The following TENM3 variants were observed in gnomAD, a reference collection of about 807,000 sequenced individuals.
TENM3 encodes teneurin-3.
In TENM3, 63 loss-of-function variants were observed where a neutral mutation model predicts 255.1. The ratio of observed to expected loss-of-function variants is 0.25; its 90% CI spans 0.20 to 0.30. The LOEUF (loss-of-function observed/expected upper bound fraction) is 0.30. TENM3 is among the 10% of genes least tolerant of loss of function. The probability of loss-of-function intolerance (pLI) is 1.00; values close to 1 mark genes in which losing one functional copy is unlikely to be tolerated. For synonymous variants in TENM3, 1,306 were observed against 1,322.3 expected, an observed-to-expected ratio of 0.99 and a Z score of 0.27; for missense variants, 2,929 against 3,461.1, an observed-to-expected ratio of 0.85 and a Z score of 3.86.
intron 3 of TENM3, among the ~76,000 whole-genome samples, chr4:182,451,634 G>A (rs1413825592): frequency 2.6e-5 from 4 of 152,102 alleles, no homozygotes; most frequent in Non-Finnish European, 5.9e-5. Flanking sequence ...CCTTAAAAGG[G>A]CCACCAGAAC....
chr4:181,878,312 G>A, the TENM3 span, among the ~76,000 whole-genome samples: 5,561 of 151,360 alleles, frequency 0.037, 176 homozygotes, highest in Non-Finnish European at 0.055. Context: ...GGGGGGAAAG[G>A]AAAGAAAATG....
intron 5 of TENM3, among the ~76,000 whole-genome samples, chr4:182,651,552 C>T (rs961202250): frequency 6.6e-6 from 1 of 152,094 alleles, no homozygotes; most frequent in Non-Finnish European, 1.5e-5. Context: ...AAAAAATTAG[C>T]TGGGCGTGGC....
chr4:182,336,962 G>A (rs905742460), intron 2 of TENM3, among the ~76,000 whole-genome samples: 3 of 151,248 alleles, frequency 2.0e-5, no homozygotes, highest in African/African-American at 7.3e-5. Context: ...TGAGGAATAT[G>A]AGACTCAAAC....
chr4:181,783,242 T>C, the TENM3 span, among the ~76,000 whole-genome samples: 1 of 152,098 alleles, frequency 6.6e-6, no homozygotes, highest in South Asian at 2.1e-4. Flanking sequence ...CCCATTATTA[T>C]TGTGTGGGAG....
intron 1 of TENM3, among the ~76,000 whole-genome samples, chr4:182,286,033 T>G (rs988030435): frequency 2.0e-5 from 3 of 152,128 alleles, no homozygotes; most frequent in Non-Finnish European, 2.9e-5. Flanking sequence ...ATACAGGAGA[T>G]CCATCGTGGC....
intron 3 of TENM3, among the ~76,000 whole-genome samples, chr4:182,525,008 C>T (rs150172636): frequency 0.041 from 6,309 of 152,054 alleles, 242 homozygotes; most frequent in East Asian, 0.11. Flanking sequence ...CCAGCCTTGG[C>T]GACAGAGTGA....
At chr4:181,502,258 T>C in the TENM3 span, among the ~76,000 whole-genome samples, 2 of 152,190 alleles carry the variant, frequency 1.3e-5, no homozygotes, top group African/African-American at 4.8e-5. Context: ...ATGTAAACTA[T>C]GGACACCGGA....
intron 14 of TENM3, 124 bp from the exon 15 acceptor site, chr4:182,730,076 T>C: frequency 8.4e-7 from 1 of 1,191,556 alleles, no homozygotes; most frequent in South Asian, 1.6e-5. Flanking sequence ...GTCTGATTTT[T>C]GTGAATAACG....
intron 1 of TENM3, among the ~76,000 whole-genome samples, chr4:182,161,107 C>G (rs899907686): frequency 6.6e-6 from 1 of 150,900 alleles, no homozygotes; most frequent in East Asian, 2.0e-4. Flanking sequence ...GGTGAAACCC[C>G]GTCTCTAGTA....
chr4:181,717,484 C>G, the TENM3 span, among the ~76,000 whole-genome samples: 1 of 152,338 alleles, frequency 6.6e-6, no homozygotes, highest in South Asian at 2.1e-4. Context: ...AGATAATAGA[C>G]TCTTAAAGTT....
intron 1 of TENM3, among the ~76,000 whole-genome samples, chr4:182,273,295 T>C (rs1442874153): frequency 6.6e-6 from 1 of 152,204 alleles, no homozygotes; most frequent in Non-Finnish European, 1.5e-5. Context: ...TACTTATACA[T>C]GCTATATAGC....
the TENM3 span, among the ~76,000 whole-genome samples, chr4:181,972,617 C>G: frequency 6.6e-6 from 1 of 152,080 alleles, no homozygotes; most frequent in Non-Finnish European, 1.5e-5. Flanking sequence ...CCTAAAAATT[C>G]TCCAAGTCAC....
intron 12 of TENM3, among the ~76,000 whole-genome samples, chr4:182,689,777 C>T (rs1039597117): frequency 1.3e-5 from 2 of 152,198 alleles, no homozygotes; most frequent in African/African-American, 2.4e-5. Context: ...GCCTGTGGGC[C>T]GTATGCGGCC....
chr4:181,801,650 A>AT, the TENM3 span, among the ~76,000 whole-genome samples: 95 of 62,872 alleles, frequency 1.5e-3, 1 homozygote, highest in African/African-American at 4.2e-3. Context: ...AAGAATTGTA[A>AT]AATATATATA....
At chr4:182,312,298 G>C (rs889556094) in intron 1 of TENM3, among the ~76,000 whole-genome samples, 8 of 152,174 alleles carry the variant, frequency 5.3e-5, no homozygotes, top group Admixed American at 1.3e-4. Flanking sequence ...GAAGTTCAAG[G>C]CTGCAGTGAG....
the TENM3 span, among the ~76,000 whole-genome samples, chr4:181,777,578 A>G: frequency 6.6e-6 from 1 of 152,156 alleles, no homozygotes; most frequent in Admixed American, 6.6e-5. Context: ...TATTGTCAAC[A>G]AGATTATTTT....
At position 182,743,393 on chromosome 4, in the gene TENM3, A is replaced by G. The variant is rs769714770; in HGVS notation, c.3603A>G (p.Gly1201=). 3.7e-6 allele frequency: 6 copies of G among 1,613,836 alleles called. No homozygotes were observed. In the African/African-American group the frequency reaches 8.0e-5, roughly 22 times the overall value. Residue 1201 remains glycine (G), a synonymous_variant, in exon 19 of 28, where the codon GGA becomes GGG. Coordinates refer to ENST00000511685, the MANE Select transcript of TENM3 (RefSeq NM_001080477.4). ...FNYVRRIFPS[G]NVTSVLELSS... ...ATGTGCGGCGGATATTCCCTTCTGGAAATGTAACAAGTGTCTTAGAACTAA... is the reference window on the plus strand; with the variant it reads ...ATGTGCGGCGGATATTCCCTTCTGGGAATGTAACAAGTGTCTTAGAACTAA...
At chr4:182,076,521 T>C in the TENM3 span, among the ~76,000 whole-genome samples, 1 of 152,140 alleles carries the variant, frequency 6.6e-6, no homozygotes, top group Non-Finnish European at 1.5e-5. Context: ...TTCTTTATAA[T>C]CAAATTCCAG....
chr4:182,622,340 T>A (rs966697401), intron 4 of TENM3, among the ~76,000 whole-genome samples: 1 of 152,040 alleles, frequency 6.6e-6, no homozygotes, highest in East Asian at 1.9e-4. Flanking sequence ...AGAGCAAAAC[T>A]CTATCGCAAA....
Sources: gnomAD v4.1 joint callset for allele counts (sites outside exome capture counted in the v4.1 genomes callset) on GRCh38, gnomAD v4.1.1 for gene constraint, MANE v1.5 for transcripts, NCBI Gene and HGNC (gene_info 2026-07-23, HGNC 2026-07-21) for gene names.